Variants in SGCD observed in about 807,000 individuals in gnomAD.
SGCD encodes the protein sarcoglycan delta.
In SGCD, 18 loss-of-function variants were observed where a neutral mutation model predicts 36.6. The observed-to-expected ratio is 0.49, with a 90% CI of 0.34 to 0.73. The LOEUF (loss-of-function observed/expected upper bound fraction) is 0.73. SGCD is among the 30% of genes least tolerant of loss of function. The probability of loss-of-function intolerance (pLI) is 0.01; values close to 1 mark genes in which losing one functional copy is unlikely to be tolerated. For synonymous variants in SGCD, 133 were observed against 130.6 expected, an observed-to-expected ratio of 1.02 and a Z score of -0.12; for missense variants, 387 against 346.7, an observed-to-expected ratio of 1.12 and a Z score of -0.92.
chr5:156,380,358 A>G (rs1392589399), intron 3 of SGCD, among the ~76,000 whole-genome samples: 3 of 152,222 alleles, frequency 2.0e-5, no homozygotes, highest in Non-Finnish European at 2.9e-5. Context: ...TGTGTTTTGT[A>G]TATCTTTTGC....
chr5:156,010,315 G>T (rs185720797), intron 1 of SGCD, among the ~76,000 whole-genome samples: 152 of 152,246 alleles, frequency 1.0e-3, no homozygotes, highest in African/African-American at 3.5e-3. Flanking sequence ...TAATTATTTT[G>T]TGGGTTTTGA....
intron 3 of SGCD, among the ~76,000 whole-genome samples, chr5:156,476,604 G>A (rs950219431): frequency 1.3e-5 from 2 of 152,234 alleles, no homozygotes; most frequent in East Asian, 3.9e-4. Flanking sequence ...CTGGAGAAAA[G>A]AAAAAATGCC....
chr5:156,408,948 A>G (rs559258079), intron 3 of SGCD, among the ~76,000 whole-genome samples: 3 of 152,244 alleles, frequency 2.0e-5, no homozygotes, highest in Admixed American at 2.0e-4. Flanking sequence ...CACAGCTGCA[A>G]GCTCTGCTGT....
chr5:156,150,903 A>C (rs886863549), intron 3 of SGCD, among the ~76,000 whole-genome samples: 1 of 151,862 alleles, frequency 6.6e-6, no homozygotes, highest in Non-Finnish European at 1.5e-5. Flanking sequence ...TGTCAAATAC[A>C]TAGTCATGTG....
chr5:156,752,156 T>C lies in SGCD; in HGVS notation c.576-5425T>C, dbSNP rs1029714849. Among the ~76,000 whole-genome samples the C allele has an allele frequency of 7.9e-5, 12 of 152,244 alleles. No homozygotes were observed. In the East Asian group the frequency reaches 2.3e-3, roughly 29 times the overall value. On this transcript the variant is annotated intron_variant, in intron 7 of 8. Transcript: ENST00000337851. ...TCATATTGAGGAGGGAAAACAAAAGTCATTAAAGAATTATAAAGTGGAATT... is the reference window on the plus strand; with the variant it reads ...TCATATTGAGGAGGGAAAACAAAAGCCATTAAAGAATTATAAAGTGGAATT...
intron 3 of SGCD, among the ~76,000 whole-genome samples, chr5:156,228,481 AT>A (rs2127649516): frequency 6.6e-6 from 1 of 152,196 alleles, no homozygotes; most frequent in South Asian, 2.1e-4. Flanking sequence ...TTTGATGTCA[AT>A]TTGCATTAAA....
chr5:156,603,649 C>A (rs1037492829), intron 6 of SGCD, among the ~76,000 whole-genome samples: 4 of 151,742 alleles, frequency 2.6e-5, no homozygotes, highest in African/African-American at 9.7e-5. Context: ...TTTAAATTTC[C>A]TTTTTAATTT....
chr5:156,719,593 G>A (rs1244182081), intron 7 of SGCD, among the ~76,000 whole-genome samples: 1 of 152,112 alleles, frequency 6.6e-6, no homozygotes, highest in Non-Finnish European at 1.5e-5. Context: ...ATACAGTACT[G>A]CAGAGTACAT....
chr5:156,358,207 C>T (rs1406422871), intron 3 of SGCD, among the ~76,000 whole-genome samples: 1 of 152,164 alleles, frequency 6.6e-6, no homozygotes, highest in Non-Finnish European at 1.5e-5. Flanking sequence ...CTCAGTCACT[C>T]CCTGGGTAAA....
the SGCD span, among the ~76,000 whole-genome samples, chr5:155,769,948 CT>C: frequency 6.6e-6 from 1 of 152,032 alleles, no homozygotes; most frequent in Non-Finnish European, 1.5e-5. Flanking sequence ...TGCTTTGTAC[CT>C]TTTCTCTTTC....
chr5:156,077,391 G>T (rs993711530), intron 1 of SGCD, among the ~76,000 whole-genome samples: 1 of 152,108 alleles, frequency 6.6e-6, no homozygotes, highest in African/African-American at 2.4e-5. Flanking sequence ...ATGGAAGGAC[G>T]ATTGAGCAAC....
the SGCD span, among the ~76,000 whole-genome samples, chr5:155,850,761 C>T: frequency 6.6e-6 from 1 of 152,118 alleles, no homozygotes; most frequent in Non-Finnish European, 1.5e-5. Context: ...TGCCCTTGAC[C>T]TTCTCTTTCT....
chr5:156,295,274 A>G lies in SGCD; in HGVS notation c.-43-34260A>G, dbSNP rs188927660. The stretch of plus-strand genomic sequence containing the variant: ...ATTTGTTGGTGTACAATTGCTCATC[A>G]TATTCTCTTTTTTATTTCTGTAGCA... On this transcript the variant is annotated intron_variant, in intron 3 of 9. Coordinates refer to the SGCD transcript ENST00000517913. 2.9e-3 allele frequency among the ~76,000 whole-genome samples: 445 copies of G among 152,038 alleles called. 10 individuals carry two copies. In the South Asian group the frequency reaches 0.035, roughly 12 times the overall value.
upstream of SGCD, among the ~76,000 whole-genome samples, chr5:155,869,546 T>C (rs1755590655): frequency 6.6e-6 from 1 of 152,202 alleles, no homozygotes; most frequent in African/African-American, 2.4e-5. Flanking sequence ...TAGCACAGTG[T>C]AGTTGTTTAG....
the SGCD span, among the ~76,000 whole-genome samples, chr5:155,829,654 A>G: frequency 6.6e-6 from 1 of 152,222 alleles, no homozygotes; most frequent in Admixed American, 6.5e-5. Flanking sequence ...CTGTTTGAAA[A>G]TCCACTTTGC....
chr5:156,640,183 T>C (rs1419307666), intron 6 of SGCD, among the ~76,000 whole-genome samples: 1 of 152,140 alleles, frequency 6.6e-6, no homozygotes, highest in Non-Finnish European at 1.5e-5. Context: ...TTTTTTCTTT[T>C]TCTTAATCAC....
At chr5:156,703,225 T>C (rs1213889943) in intron 7 of SGCD, among the ~76,000 whole-genome samples, 6 of 152,062 alleles carry the variant, frequency 3.9e-5, no homozygotes, top group African/African-American at 1.4e-4. Context: ...GAGGATGAAA[T>C]CTTAGATTCT....
chr5:156,309,588 T>C lies in SGCD; in HGVS notation c.-43-19946T>C, dbSNP rs534151626. ...CCTTGACTTTCATTACATCTTCCTT[T>C]AGATCTTTGAGCATTTTTTTTTTTT... is the stretch of plus-strand genomic sequence containing the variant. On this transcript the variant is annotated intron_variant, in intron 3 of 9. Transcript: ENST00000517913. Among the ~76,000 whole-genome samples the C allele has an allele frequency of 2.0e-5, 3 of 147,062 alleles. No individual in the cohort carries two copies. In the South Asian group the frequency reaches 6.7e-4, roughly 33 times the overall value.
intron 3 of SGCD, among the ~76,000 whole-genome samples, chr5:156,414,848 T>C (rs964231295): frequency 3.3e-5 from 5 of 152,352 alleles, no homozygotes; most frequent in East Asian, 1.9e-4. Context: ...TATGTTACAA[T>C]GAGCAATGAT....
Sources: allele counts gnomAD v4.1 joint callset (sites outside exome capture counted in the v4.1 genomes callset), GRCh38; gene constraint gnomAD v4.1.1; transcripts MANE v1.5; gene names NCBI Gene and HGNC (gene_info 2026-07-23, HGNC 2026-07-21).